PLEKHH1: variants seen among roughly 807,000 people sequenced by gnomAD.
The protein encoded by PLEKHH1 is pleckstrin homology domain-containing family H member 1.
A neutral mutation model predicts 160.0 loss-of-function variants in PLEKHH1; 104 were observed. The observed-to-expected ratio is 0.65, with a 90% confidence interval of 0.55 to 0.76. The LOEUF (loss-of-function observed/expected upper bound fraction) is 0.76, where lower values mean the gene tolerates loss of function less well. Among genes scored for constraint, PLEKHH1 ranks in the 30% least tolerant of loss-of-function variants. The pLI, the probability that PLEKHH1 is intolerant of heterozygous loss-of-function variation, is 0.00. For missense variants in PLEKHH1, 1,427 were observed against 1,724.1 expected, an observed-to-expected ratio of 0.83 and a Z score of 3.05; for synonymous variants, 619 against 678.4, an observed-to-expected ratio of 0.91 and a Z score of 1.36.
chr14:67,581,977 CT>C, intron 23 of PLEKHH1, 91 bp from the exon 24 acceptor site: 1 of 1,284,852 alleles, frequency 7.8e-7, no homozygotes, highest in Non-Finnish European at 1.1e-6. Context: ...AGTACTTTAT[CT>C]TTTTGGAAAT....
chr14:67,562,973 G>T, intron 7 of PLEKHH1, 79 bp downstream of exon 7: 1 of 1,423,602 alleles, frequency 7.0e-7, no homozygotes, highest in South Asian at 1.4e-5. Context: ...GCCATGCACT[G>T]AGCAGGAGAG....
At chr14:67,572,062 T>G (rs2236232) in intron 10 of PLEKHH1, 73 bp from the exon 11 acceptor site, 1,063,519 of 1,527,978 alleles carry the variant, frequency 0.7, 371,690 homozygotes, top group African/African-American at 0.79. Context: ...GGTGGTCAAG[T>G]CTCAGCAGCT....
At position 67,579,963 on chromosome 14, in the gene PLEKHH1, CTGTT is replaced by C. The variant is rs750132486; in HGVS notation, c.3183+90_3183+93del. On this transcript the variant is annotated intron_variant, in intron 22 of 28. Coordinates refer to ENST00000329153, the MANE Select transcript of PLEKHH1 (RefSeq NM_020715.3). ...AAGAGCCCATCTGATGGGTGTCTGA[CTGTT>C]TGGTAGCTCATTTGGTGCTGAGCCC... The C allele has an allele frequency of 5.6e-5, 71 of 1,276,244 alleles. No homozygotes were observed. In the South Asian group the frequency reaches 8.5e-4, roughly 15 times the overall value. The allele number at this position is 1,276,244 out of a possible 1,614,324, so 79.1% of individuals were successfully genotyped here. A position where few individuals can be genotyped will look rare whatever the true frequency, so the allele number is the denominator to read the frequency against.
intron 2 of PLEKHH1, among the ~76,000 whole-genome samples, chr14:67,544,585 CTA>C (rs1464339739): frequency 1.3e-5 from 2 of 152,108 alleles, no homozygotes; most frequent in Non-Finnish European, 2.9e-5. Flanking sequence ...TGGCAAGAGA[CTA>C]TGAAATAAAT....
chr14:67,542,068 A>G (rs1594742700), intron 2 of PLEKHH1, 75 bp downstream of exon 2: 1 of 1,361,460 alleles, frequency 7.3e-7, no homozygotes, highest in African/African-American at 1.5e-5. Flanking sequence ...TGAGAGAGGG[A>G]GAGTTGCGGA....
chr14:67,573,457 A>T lies in PLEKHH1; in HGVS notation c.1839+71A>T. 1 of 1,030,850 alleles carries T rather than the reference A, an allele frequency of 9.7e-7. No individual in the cohort carries two copies. The highest frequency in any genetic ancestry group is 1.5e-6 in the Non-Finnish European group (1 of 666,128). 63.9% of individuals were successfully genotyped at this position (1,030,850 alleles called of 1,614,324 possible). On this transcript the variant is annotated intron_variant, in intron 12 of 28. Transcript: ENST00000329153. This position sits in a 1 kb window ranked among gnomAD's most constrained non-coding sequence, Gnocchi z 4.8. The stretch of plus-strand genomic sequence containing the variant: ...CACACCCTGGACTATGTCAGATGGG[A>T]CGGAGGAGGGGGAATGTGGCCCAAG...
At chr14:67,554,659 G>A (rs1299843536) in intron 2 of PLEKHH1, among the ~76,000 whole-genome samples, 4 of 152,190 alleles carry the variant, frequency 2.6e-5, no homozygotes, top group Non-Finnish European at 5.9e-5. Context: ...CCTGGCAGGG[G>A]AAGAATGGGA....
At chr14:67,557,619 A>G (rs2034647821) in intron 4 of PLEKHH1, among the ~76,000 whole-genome samples, 1 of 152,344 alleles carries the variant, frequency 6.6e-6, no homozygotes, top group East Asian at 1.9e-4. Flanking sequence ...CAGGGGATAG[A>G]GTAGAAAAAG....
At chr14:67,560,887 C>T (rs761715018) in intron 5 of PLEKHH1, among the ~76,000 whole-genome samples, 5 of 152,130 alleles carry the variant, frequency 3.3e-5, no homozygotes, top group African/African-American at 4.8e-5. Context: ...CACGCCACCA[C>T]GCCTGGCTAA....
At chr14:67,533,940 G>C (rs1391395246) in intron 1 of PLEKHH1, among the ~76,000 whole-genome samples, 1 of 152,136 alleles carries the variant, frequency 6.6e-6, no homozygotes, top group Non-Finnish European at 1.5e-5. Context: ...AGGGGCCTTA[G>C]TGGGGGTGGC....
intron 1 of PLEKHH1, chr14:67,533,852 A>G (rs2033579366): frequency 6.6e-6 from 1 of 152,102 alleles, no homozygotes; most frequent in Admixed American, 6.5e-5. Flanking sequence ...TCAAGCAGAA[A>G]AGAAAACAGG....
intron 1 of PLEKHH1, among the ~76,000 whole-genome samples, chr14:67,538,315 C>T (rs923596093): frequency 6.6e-6 from 1 of 152,200 alleles, no homozygotes; most frequent in African/African-American, 2.4e-5. Context: ...TTCTGCTACT[C>T]CTTAGCTCTA....
chr14:67,560,180 A>C (rs1031759785), intron 5 of PLEKHH1, among the ~76,000 whole-genome samples: 12 of 151,998 alleles, frequency 7.9e-5, no homozygotes. Flanking sequence ...GGCACGCACC[A>C]CCATGCCCAG....
chr14:67,574,270 T>C lies in PLEKHH1; in HGVS notation c.1955T>C (p.Leu652Pro). ...ATCTCTGAGAAGAAAACCTACTACC[T>C]GACGGCCGATTCACCCAGCCTGCTG... ...QLISEKKTYY[L>P]TADSPSLLEE... is the part of the protein sequence containing the mutation. Residue 652 changes from leucine (L) to proline (P), a missense_variant, in exon 14 of 29, where the codon CTG (leucine) becomes CCG (proline). Leu to Pro is a moderately conservative substitution (Grantham distance 98). This residue lies in a region of PLEKHH1 where 831 missense variants were observed against 929.2 expected (regional missense o/e 0.89). Coordinates refer to ENST00000329153, the MANE Select transcript of PLEKHH1 (RefSeq NM_020715.3). The surrounding 1 kb of genome is among the most constrained non-coding windows in gnomAD (Gnocchi z 4.2). 1 of 1,608,176 alleles carries C rather than the reference T, an allele frequency of 6.2e-7. No homozygotes were observed. The highest frequency in any genetic ancestry group is 8.5e-7 in the Non-Finnish European group (1 of 1,177,326).
chr14:67,571,914 G>A lies in PLEKHH1; in HGVS notation c.1585+12G>A. ...GGCCATCAAGAGAGGTACAGAGAAG[G>A]GGAGCAGGGGCAGGGTGCAGCAGCA... On this transcript the variant is annotated intron_variant, in intron 10 of 28. Transcript: ENST00000329153. The A allele has an allele frequency of 1.3e-6, 2 of 1,599,904 alleles. No homozygotes were observed. Among genetic ancestry groups the A allele is most frequent in the Non-Finnish European group, 1.7e-6 (2 of 1,172,878 alleles).
chr14:67,555,556 C>T (rs1279157190), intron 2 of PLEKHH1, among the ~76,000 whole-genome samples: 1 of 152,170 alleles, frequency 6.6e-6, no homozygotes, highest in Non-Finnish European at 1.5e-5. Flanking sequence ...CCTCCCCGGA[C>T]ACCCTCCATC....
rs2035542067 is a variant in PLEKHH1 at position 67,574,632 on chromosome 14, A to G, written c.2088+229A>G. On this transcript the variant is annotated intron_variant, in intron 14 of 28. Coordinates refer to ENST00000329153, the MANE Select transcript of PLEKHH1 (RefSeq NM_020715.3). This position sits in a 1 kb window ranked among gnomAD's most constrained non-coding sequence, Gnocchi z 4.2. ...TTGTTGGAACAACTATTCTCAAGAA[A>G]GAGAAGGGAAGGGACTATCTTGTAT... 6.6e-6 allele frequency among the ~76,000 whole-genome samples: 1 copy of G among 152,232 alleles called. No individual in the cohort carries two copies. The highest frequency in any genetic ancestry group is 1.5e-5 in the Non-Finnish European group (1 of 68,038).
chr14:67,552,958 G>A lies in PLEKHH1; in HGVS notation c.127-2867G>A, dbSNP rs74532629. 3.5e-3 allele frequency among the ~76,000 whole-genome samples: 537 copies of A among 152,222 alleles called. 3 individuals carry two copies. The highest frequency in any genetic ancestry group is 0.02 in the Middle Eastern group (6 of 294). ...GGGATAGATAATAAAATCCGGAGGG[G>A]AAAAAATGCTCGCTGTGTTGTCAAT... On this transcript the variant is annotated intron_variant, in intron 2 of 28. Transcript: ENST00000329153.
chr14:67,563,018 G>A, intron 7 of PLEKHH1, 124 bp downstream of exon 7: 1 of 988,302 alleles, frequency 1.0e-6, no homozygotes, highest in Non-Finnish European at 1.5e-6. Context: ...GCCCTGGCAG[G>A]CAGGTACCAT....
Sources: allele counts gnomAD v4.1 joint callset (sites outside exome capture counted in the v4.1 genomes callset), GRCh38; gene constraint gnomAD v4.1.1; regional missense constraint gnomAD v4.1.1; non-coding constraint Gnocchi (gnomAD v3.1); transcripts MANE v1.5; gene names NCBI Gene and HGNC (gene_info 2026-07-23, HGNC 2026-07-21).